The following SIL1 variants were observed in gnomAD, a reference collection of about 807,000 sequenced individuals.
The protein encoded by SIL1 is nucleotide exchange factor SIL1.
SIL1 carries 40 observed loss-of-function variants against 49.1 expected under a neutral mutation model. The observed-to-expected ratio is 0.81, with a 90% CI of 0.63 to 1.06. The LOEUF is 1.06. SIL1 is among the 50% of genes least tolerant of loss of function. The probability of loss-of-function intolerance (pLI) is 0.00; values close to 1 mark genes in which losing one functional copy is unlikely to be tolerated. For missense variants in SIL1, 500 were observed against 572.6 expected (o/e 0.87, Z 1.29); for synonymous variants, 253 against 250.8 (o/e 1.01, Z -0.08).
At chr5:139,180,674 C>A (rs1231524924) in intron 1 of SIL1, among the ~76,000 whole-genome samples, 2 of 152,204 alleles carry the variant, frequency 1.3e-5, no homozygotes, top group Non-Finnish European at 2.9e-5. Context: ...AATTCATCAT[C>A]TGCAACTATG....
At chr5:139,035,157 T>G (rs1316371811) in intron 5 of SIL1, 1 of 328,814 alleles carries the variant, frequency 3.0e-6, no homozygotes, top group Non-Finnish European at 5.9e-6. Context: ...CTTAACTAGC[T>G]GGGCATTCCA....
At chr5:139,050,467 A>G (rs1769261486) in intron 4 of SIL1, among the ~76,000 whole-genome samples, 1 of 152,248 alleles carries the variant, frequency 6.6e-6, no homozygotes, top group Non-Finnish European at 1.5e-5. Flanking sequence ...AGTAGCTTCT[A>G]CTTTTATACT....
intron 7 of SIL1, among the ~76,000 whole-genome samples, chr5:139,012,031 T>C (rs1291417949): frequency 3.3e-5 from 5 of 152,102 alleles, no homozygotes; most frequent in African/African-American, 9.7e-5. Flanking sequence ...AAATAAAGCA[T>C]AATGGAGACA....
At chr5:139,196,183 C>A (rs998242760) in intron 1 of SIL1, among the ~76,000 whole-genome samples, 1 of 151,858 alleles carries the variant, frequency 6.6e-6, no homozygotes, top group African/African-American at 2.4e-5. Context: ...GTGTGAGACC[C>A]CATCTGAAAA....
At chr5:139,023,424 A>C (rs1251747816) in intron 6 of SIL1, among the ~76,000 whole-genome samples, 1 of 151,688 alleles carries the variant, frequency 6.6e-6, no homozygotes, top group Non-Finnish European at 1.5e-5. Context: ...CACTGATAAG[A>C]CAATGAGAGA....
Position 139,165,593 on chromosome 5 carries a change from G to A in SIL1, c.-11+32676C>T, listed in dbSNP as rs886924628. Among the ~76,000 whole-genome samples, 11 of 152,040 alleles carry A rather than the reference G, an allele frequency of 7.2e-5. No individual in the cohort carries two copies. The East Asian group carries it at 9.7e-4, about 13-fold the overall frequency. On this transcript the variant is annotated intron_variant, in intron 1 of 9. Coordinates refer to ENST00000394817, the MANE Select transcript of SIL1 (RefSeq NM_022464.5). The stretch of plus-strand genomic sequence containing the variant: ...TTGAACTCCTGACCTCAGGTGATCC[G>A]CCCACCTTAGCCTCCCAAATTGCTG...
At chr5:139,184,254 G>A (rs1296465078) in intron 1 of SIL1, among the ~76,000 whole-genome samples, 1 of 152,150 alleles carries the variant, frequency 6.6e-6, no homozygotes, top group African/African-American at 2.4e-5. Flanking sequence ...CAAGAACTAA[G>A]AACAAGGTAC....
chr5:139,084,774 T>TA (rs1336210003), intron 3 of SIL1, among the ~76,000 whole-genome samples: 3 of 150,176 alleles, frequency 2.0e-5, no homozygotes, highest in South Asian at 2.1e-4. Flanking sequence ...CCCTAAAACT[T>TA]AGAGTATAAT....
At chr5:139,056,269 C>T (rs1474314135) in intron 3 of SIL1, among the ~76,000 whole-genome samples, 1 of 150,966 alleles carries the variant, frequency 6.6e-6, no homozygotes, top group Admixed American at 6.6e-5. Flanking sequence ...AAGTGAGGAG[C>T]GTCTCTGCCC....
chr5:139,084,800 T>TA lies in SIL1; in HGVS notation c.245-33755dup, dbSNP rs199603063. 2.9e-4 allele frequency among the ~76,000 whole-genome samples: 44 copies of TA among 150,628 alleles called. 1 individual carries two copies. The highest frequency in any genetic ancestry group is 7.3e-4 in the Admixed American group (11 of 15,142). On this transcript the variant is annotated intron_variant, in intron 3 of 9. Coordinates refer to ENST00000394817, the MANE Select transcript of SIL1 (RefSeq NM_022464.5). ...AGAGTATAATAAAAATAAAAATAAA[T>TA]AAAAAAAAATAAAAAATCAAATGTT...
At chr5:139,039,791 G>T (rs529845398) in intron 5 of SIL1, among the ~76,000 whole-genome samples, 3 of 152,260 alleles carry the variant, frequency 2.0e-5, no homozygotes, top group African/African-American at 7.2e-5. Context: ...ATAATTTGTA[G>T]AATACAGGTG....
chr5:139,172,090 G>T (rs1212696919), intron 1 of SIL1, among the ~76,000 whole-genome samples: 1 of 152,206 alleles, frequency 6.6e-6, no homozygotes, highest in Admixed American at 6.5e-5. Context: ...CTGAAGAGAA[G>T]TGAATAGAGA....
intron 6 of SIL1, among the ~76,000 whole-genome samples, chr5:139,023,183 AG>A (rs1335068430): frequency 6.6e-6 from 1 of 152,222 alleles, no homozygotes; most frequent in Non-Finnish European, 1.5e-5. Context: ...ACTAACAGTG[AG>A]GAAGAAACGA....
intron 7 of SIL1, among the ~76,000 whole-genome samples, chr5:138,974,481 G>A (rs2150394752): frequency 6.6e-6 from 1 of 152,320 alleles, no homozygotes; most frequent in South Asian, 2.1e-4. Context: ...TACTTGTACT[G>A]TTGAATAATT....
intron 7 of SIL1, among the ~76,000 whole-genome samples, chr5:139,003,363 T>G (rs557792903): frequency 2.6e-5 from 4 of 152,244 alleles, no homozygotes; most frequent in Admixed American, 2.0e-4. Context: ...GAGCTCTGGG[T>G]GCTTGGCTGC....
intron 1 of SIL1, among the ~76,000 whole-genome samples, chr5:139,158,685 G>A (rs1482023378): frequency 6.6e-6 from 1 of 152,112 alleles, no homozygotes; most frequent in Admixed American, 6.5e-5. Flanking sequence ...GGAGTAAGAA[G>A]AGAACAAAGC....
intron 3 of SIL1, among the ~76,000 whole-genome samples, chr5:139,102,007 T>C (rs6887866): frequency 0.44 from 67,498 of 151,968 alleles, 15,281 homozygotes; most frequent in African/African-American, 0.48. Context: ...AAATGCTGGG[T>C]GAAAAGAATC....
At chr5:139,092,933 C>T (rs1422034466) in intron 3 of SIL1, among the ~76,000 whole-genome samples, 1 of 152,156 alleles carries the variant, frequency 6.6e-6, no homozygotes, top group Non-Finnish European at 1.5e-5. Flanking sequence ...GCTTTGCCCT[C>T]ATGAATGATT....
chr5:139,043,743 T>A (rs752536611), intron 4 of SIL1, among the ~76,000 whole-genome samples: 2 of 152,206 alleles, frequency 1.3e-5, no homozygotes, highest in Non-Finnish European at 1.5e-5. Flanking sequence ...AGAGAGGACA[T>A]CCATCATGTG....
Sources: gnomAD v4.1 joint callset for allele counts (sites outside exome capture counted in the v4.1 genomes callset) on GRCh38, gnomAD v4.1.1 for gene constraint, MANE v1.5 for transcripts, NCBI Gene and HGNC (gene_info 2026-07-23, HGNC 2026-07-21) for gene names.